The following OSBP2 variants were observed in gnomAD, a reference collection of about 807,000 sequenced individuals.
OSBP2 encodes oxysterol binding protein 2, also known as oxysterol-binding protein 2.
Under a neutral mutation model 96.0 loss-of-function variants are expected in OSBP2, and 66 were observed. The ratio of observed to expected loss-of-function variants is 0.69; its 90% CI spans 0.56 to 0.84. The LOEUF (loss-of-function observed/expected upper bound fraction) is 0.84, where lower values mean the gene tolerates loss of function less well. OSBP2 is among the 40% of genes least tolerant of loss of function. The pLI is 0.00. For synonymous variants in OSBP2, 525 were observed against 520.9 expected (o/e 1.01, Z -0.11); for missense variants, 1,038 against 1,222.7 (o/e 0.85, Z 2.25).
At chr22:30,847,877 A>G (rs2038902017) in intron 2 of OSBP2, among the ~76,000 whole-genome samples, 1 of 152,154 alleles carries the variant, frequency 6.6e-6, no homozygotes, top group East Asian at 1.9e-4. Context: ...TTCGTCCTCA[A>G]TCTGGCTAGA....
chr22:30,736,930 T>G (rs1195585821), intron 1 of OSBP2, among the ~76,000 whole-genome samples: 1 of 152,244 alleles, frequency 6.6e-6, no homozygotes, highest in Non-Finnish European at 1.5e-5. Context: ...TAACTTCTAG[T>G]CCAGCCCTGA....
chr22:30,869,577 C>T (rs2039416977), intron 2 of OSBP2, among the ~76,000 whole-genome samples: 1 of 152,234 alleles, frequency 6.6e-6, no homozygotes, highest in Non-Finnish European at 1.5e-5. Flanking sequence ...TTCTGTTACA[C>T]ATGCTGGAGT....
chr22:30,736,134 G>A (rs2089851420), intron 1 of OSBP2, among the ~76,000 whole-genome samples: 1 of 151,986 alleles, frequency 6.6e-6, no homozygotes, highest in Non-Finnish European at 1.5e-5. Context: ...GGCTGGTCTT[G>A]AACTCCTGAC....
At chr22:30,798,995 CAG>C (rs1455989541) in intron 2 of OSBP2, among the ~76,000 whole-genome samples, 10 of 145,288 alleles carry the variant, frequency 6.9e-5, no homozygotes, top group Admixed American at 1.4e-4. Context: ...GCCTGGGTGA[CAG>C]AGTGAGACTC....
intron 12 of OSBP2, among the ~76,000 whole-genome samples, chr22:30,901,928 G>A (rs2040205542): frequency 6.6e-6 from 1 of 151,908 alleles, no homozygotes; most frequent in Admixed American, 6.6e-5. Flanking sequence ...AAATATACTC[G>A]AGAAATTCTT....
chr22:30,792,140 C>T (rs1009005877), intron 2 of OSBP2, among the ~76,000 whole-genome samples: 3 of 151,914 alleles, frequency 2.0e-5, no homozygotes, highest in African/African-American at 7.3e-5. Flanking sequence ...GGTGAAACCC[C>T]GTTTCTACTA....
chr22:30,880,926 C>T (rs1367111819), intron 3 of OSBP2, among the ~76,000 whole-genome samples: 1 of 152,174 alleles, frequency 6.6e-6, no homozygotes, highest in Non-Finnish European at 1.5e-5. Context: ...GTGGGCAGCC[C>T]TTACAGCCTT....
intron 1 of OSBP2, among the ~76,000 whole-genome samples, chr22:30,728,075 A>G (rs34691190): frequency 0.25 from 37,815 of 150,922 alleles, 4,874 homozygotes; most frequent in East Asian, 0.4. Flanking sequence ...CTGCACTTCA[A>G]CCTGGTGACA....
chr22:30,743,115 G>A (rs1417522004), intron 2 of OSBP2, among the ~76,000 whole-genome samples: 2 of 152,248 alleles, frequency 1.3e-5, no homozygotes, highest in Non-Finnish European at 2.9e-5. Flanking sequence ...TGGGGAGGCA[G>A]GGCTCCAGGT....
At chr22:30,768,443 G>A (rs757772783) in intron 2 of OSBP2, among the ~76,000 whole-genome samples, 7 of 152,122 alleles carry the variant, frequency 4.6e-5, no homozygotes, top group Non-Finnish European at 8.8e-5. Flanking sequence ...TTGGGAGGCC[G>A]AGGCGGGCAG....
chr22:30,822,579 G>A (rs2038299373), intron 2 of OSBP2: 7 of 1,518,460 alleles, frequency 4.6e-6, no homozygotes, highest in Non-Finnish European at 6.2e-6. Context: ...AAGCCCCCGG[G>A]ACCCGGCGCC....
intron 2 of OSBP2, among the ~76,000 whole-genome samples, chr22:30,827,023 G>A (rs2038419676): frequency 6.6e-6 from 1 of 152,214 alleles, no homozygotes; most frequent in South Asian, 2.1e-4. Context: ...GTGACACCCA[G>A]CTGTGTATTG....
chr22:30,719,072 G>A (rs531218862), intron 1 of OSBP2, among the ~76,000 whole-genome samples: 3 of 152,292 alleles, frequency 2.0e-5, no homozygotes, highest in Admixed American at 2.0e-4. Context: ...GCCTTCTAGA[G>A]ACGGGATTAG....
At chr22:30,800,796 C>T (rs2090840433) in intron 2 of OSBP2, among the ~76,000 whole-genome samples, 1 of 152,178 alleles carries the variant, frequency 6.6e-6, no homozygotes, top group African/African-American at 2.4e-5. Flanking sequence ...GATTTAAAAT[C>T]TTGCTGTGTG....
chr22:30,760,465 A>G (rs1054248418), intron 2 of OSBP2, among the ~76,000 whole-genome samples: 1 of 152,320 alleles, frequency 6.6e-6, no homozygotes, highest in Admixed American at 6.5e-5. Context: ...AGTGGATTTC[A>G]TGCTAGGAGT....
At chr22:30,764,701 A>C (rs1203128937) in intron 2 of OSBP2, among the ~76,000 whole-genome samples, 1 of 152,116 alleles carries the variant, frequency 6.6e-6, no homozygotes, top group Non-Finnish European at 1.5e-5. Flanking sequence ...ACTCCCTAAG[A>C]AGATGGATGG....
At position 30,865,231 on chromosome 22, in the gene OSBP2, C is replaced by T. The variant is rs147365978; in HGVS notation, c.854-5198C>T. On this transcript the variant is annotated intron_variant, in intron 2 of 13. Coordinates refer to ENST00000332585, the MANE Select transcript of OSBP2 (RefSeq NM_030758.4). Reference sequence around the variant, plus strand: ...CCTCCTCAGCCAGAGCCACCTATTACAGGGGTCAAGGAGATCCCTGAGTGG... The same window carrying T: ...CCTCCTCAGCCAGAGCCACCTATTATAGGGGTCAAGGAGATCCCTGAGTGG... Among the ~76,000 whole-genome samples the T allele has an allele frequency of 2.1e-3, 319 of 152,286 alleles. 3 individuals are homozygous for T. Among genetic ancestry groups the T allele is most frequent in the African/African-American group, 7.4e-3 (306 of 41,566 alleles).
intron 2 of OSBP2, among the ~76,000 whole-genome samples, chr22:30,773,871 C>T (rs1489963040): frequency 6.6e-6 from 1 of 152,228 alleles, no homozygotes; most frequent in Non-Finnish European, 1.5e-5. Context: ...AGAGGCACTC[C>T]AGCAGGGGCA....
chr22:30,731,575 A>C (rs2089779738), intron 1 of OSBP2: 2 of 153,942 alleles, frequency 1.3e-5, no homozygotes, highest in Admixed American at 1.3e-4. Context: ...AGGGAATCTG[A>C]GAAGGCGCAC....
Sources: gnomAD v4.1 joint callset for allele counts (sites outside exome capture counted in the v4.1 genomes callset) on GRCh38, gnomAD v4.1.1 for gene constraint, MANE v1.5 for transcripts, NCBI Gene and HGNC (gene_info 2026-07-23, HGNC 2026-07-21) for gene names.